The following TOX variants were observed in gnomAD, a reference collection of about 807,000 sequenced individuals.
TOX encodes the protein thymocyte selection associated high mobility group box, also known as thymocyte selection-associated high mobility group box protein TOX.
TOX carries 11 observed loss-of-function variants against 53.7 expected under a neutral mutation model. The observed-to-expected ratio is 0.20, with a 90% CI of 0.13 to 0.34. The LOEUF (loss-of-function observed/expected upper bound fraction) is 0.34, where lower values mean the gene tolerates loss of function less well. Among genes scored for constraint, TOX ranks in the 10% least tolerant of loss-of-function variants. The pLI is 1.00. For missense variants in TOX, 570 were observed against 664.6 expected (o/e 0.86, Z 1.56); for synonymous variants, 225 against 245.3 (o/e 0.92, Z 0.77).
intron 3 of TOX, among the ~76,000 whole-genome samples, chr8:58,909,648 T>TTC (rs199554955): frequency 9.9e-5 from 15 of 151,490 alleles, no homozygotes; most frequent in African/African-American, 1.2e-4. Context: ...TGTCTCTTAA[T>TTC]TCTCTCTCTC....
intron 3 of TOX, among the ~76,000 whole-genome samples, chr8:58,891,154 A>G (rs913025849): frequency 4.6e-5 from 7 of 152,124 alleles, no homozygotes; most frequent in African/African-American, 9.7e-5. Flanking sequence ...TACGTGAGAC[A>G]CTAGCGATCT....
chr8:59,067,126 G>A (rs905956579), intron 1 of TOX, among the ~76,000 whole-genome samples: 9 of 150,028 alleles, frequency 6.0e-5, no homozygotes, highest in South Asian at 2.1e-4. Context: ...AAGGGGGGCC[G>A]GGGGGTTGAT....
intron 1 of TOX, among the ~76,000 whole-genome samples, chr8:58,965,415 T>C (rs111682635): frequency 0.041 from 6,171 of 152,282 alleles, 348 homozygotes; most frequent in African/African-American, 0.12. Context: ...ATTATTTCTT[T>C]TATTTAAAAA....
intron 3 of TOX, among the ~76,000 whole-genome samples, chr8:58,897,453 C>T (rs1480028696): frequency 6.6e-6 from 1 of 152,182 alleles, no homozygotes; most frequent in Non-Finnish European, 1.5e-5. Context: ...AAGTTCATGT[C>T]AACCACAGGC....
chr8:59,099,822 G>C lies in TOX; in HGVS notation c.102+19064C>G, dbSNP rs570817347. ...AATGATAAAGAAAAAATACATTAAA[G>C]AGACTGACTGTACCATATGGCTCTC... On this transcript the variant is annotated intron_variant, in intron 1 of 8. Transcript: ENST00000361421. Among the ~76,000 whole-genome samples the C allele has an allele frequency of 4.6e-5, 7 of 152,292 alleles. No individual in the cohort carries two copies. In the South Asian group the frequency reaches 1.0e-3, roughly 23 times the overall value.
At position 58,815,451 on chromosome 8, in the gene TOX, G is replaced by A. The variant is rs1315921929; in HGVS notation, c.1279C>T (p.Leu427Phe). The A allele has an allele frequency of 2.5e-6, 4 of 1,614,134 alleles. No homozygotes were observed. Among genetic ancestry groups the A allele is most frequent in the African/African-American group, 1.3e-5 (1 of 75,034 alleles). Residue 427 changes from leucine to phenylalanine, a missense_variant, in exon 7 of 9, where the codon CTT becomes TTT. Transcript: ENST00000361421. ...PPPPLQISPPLHQHLNMQQHQ... is the reference protein window; with the variant it reads ...PPPPLQISPPFHQHLNMQQHQ... ...TGCTGCATGTTGAGATGCTGGTGAA[G>A]AGGCGGGCTGATCTGGAGGGGAGGA... is the stretch of plus-strand genomic sequence containing the variant.
chr8:58,991,126 T>C (rs1174415600), intron 1 of TOX, among the ~76,000 whole-genome samples: 6 of 152,168 alleles, frequency 3.9e-5, no homozygotes, highest in Non-Finnish European at 5.9e-5. Context: ...AGAGTCGACA[T>C]TGTCACCACT....
intron 3 of TOX, among the ~76,000 whole-genome samples, chr8:58,903,758 G>T (rs936723419): frequency 1.3e-5 from 2 of 152,166 alleles, no homozygotes; most frequent in Non-Finnish European, 1.5e-5. Context: ...GGAGAAAACT[G>T]AATTACTAAT....
chr8:58,965,310 A>T (rs1041430858), intron 1 of TOX, among the ~76,000 whole-genome samples: 6 of 152,242 alleles, frequency 3.9e-5, no homozygotes, highest in African/African-American at 1.4e-4. Context: ...TCATATAAAA[A>T]GTCATTTATA....
chr8:58,946,922 T>C (rs1812531357), intron 2 of TOX, among the ~76,000 whole-genome samples: 1 of 152,194 alleles, frequency 6.6e-6, no homozygotes, highest in African/African-American at 2.4e-5. Context: ...TAAGAAACAC[T>C]GGCAAATTAT....
At chr8:58,808,346 C>G in intron 7 of TOX, 77 bp from the exon 8 acceptor site, 1 of 1,526,282 alleles carries the variant, frequency 6.6e-7, no homozygotes, top group Non-Finnish European at 8.8e-7. Context: ...TTTATTCATT[C>G]TTTGCAGACA....
At chr8:59,034,946 A>G (rs1814429166) in intron 1 of TOX, among the ~76,000 whole-genome samples, 1 of 152,144 alleles carries the variant, frequency 6.6e-6, no homozygotes, top group Admixed American at 6.5e-5. Context: ...CAAAGTCTCA[A>G]GGTCAGGAAG....
At chr8:59,068,301 T>C (rs1465643833) in intron 1 of TOX, among the ~76,000 whole-genome samples, 1 of 151,924 alleles carries the variant, frequency 6.6e-6, no homozygotes, top group Non-Finnish European at 1.5e-5. Context: ...TGACAAGATA[T>C]AAGGCAGAGA....
rs777967662 is a variant in TOX, at chr8:58,927,431, C to G, written c.411+11871G>C. 5.1e-4 allele frequency among the ~76,000 whole-genome samples: 77 copies of G among 152,266 alleles called. 1 individual carries two copies. The Middle Eastern group carries it at 0.01, about 20-fold the overall frequency. Reference sequence around the variant, plus strand: ...GCCTCACCAGAAATGTAGAGGAGATCTGCACCCCAGCCTGCCTAGTTCACC... The same window carrying G: ...GCCTCACCAGAAATGTAGAGGAGATGTGCACCCCAGCCTGCCTAGTTCACC... On this transcript the variant is annotated intron_variant, in intron 3 of 8. Coordinates refer to ENST00000361421, the MANE Select transcript of TOX (RefSeq NM_014729.3).
At chr8:58,832,268 T>G (rs1810474249) in intron 5 of TOX, among the ~76,000 whole-genome samples, 1 of 150,740 alleles carries the variant, frequency 6.6e-6, no homozygotes, top group African/African-American at 2.4e-5. Flanking sequence ...CATATAATAA[T>G]TTTCATTGCT....
chr8:58,841,012 C>A (rs1810633417), intron 4 of TOX, among the ~76,000 whole-genome samples: 1 of 152,158 alleles, frequency 6.6e-6, no homozygotes. Context: ...GTAGCGATTC[C>A]TGATTTGTTT....
intron 1 of TOX, among the ~76,000 whole-genome samples, chr8:59,035,774 TA>T (rs1814447259): frequency 1.3e-5 from 2 of 152,220 alleles, no homozygotes; most frequent in Non-Finnish European, 2.9e-5. Context: ...GAAATAATCA[TA>T]ATAACAATAA....
At chr8:58,972,471 T>C (rs185788346) in intron 1 of TOX, among the ~76,000 whole-genome samples, 1 of 152,174 alleles carries the variant, frequency 6.6e-6, no homozygotes, top group African/African-American at 2.4e-5. Flanking sequence ...ATCAGACAGT[T>C]TGACATGAAA....
At position 58,823,000 on chromosome 8, in the gene TOX, C is replaced by A. The variant is rs117107919; in HGVS notation, c.1005+3822G>T. 1.2e-3 allele frequency among the ~76,000 whole-genome samples: 185 copies of A among 152,288 alleles called. 3 individuals are homozygous for A. The East Asian group carries it at 0.032, about 26-fold the overall frequency. On this transcript the variant is annotated intron_variant, in intron 6 of 8. Coordinates refer to ENST00000361421, the MANE Select transcript of TOX (RefSeq NM_014729.3). Reference sequence around the variant, plus strand: ...AAAATGCCTACCACAGTGTAAGGCACACAGAAGCTACTCTGTAGACGGATG... The same window carrying A: ...AAAATGCCTACCACAGTGTAAGGCAAACAGAAGCTACTCTGTAGACGGATG...
Sources: allele counts gnomAD v4.1 joint callset (sites outside exome capture counted in the v4.1 genomes callset), GRCh38; gene constraint gnomAD v4.1.1; transcripts MANE v1.5; gene names NCBI Gene and HGNC (gene_info 2026-07-23, HGNC 2026-07-21).